Variants in TRIM35 observed in about 807,000 individuals in gnomAD.
The protein encoded by TRIM35 is tripartite motif containing 35.
In TRIM35, 37 loss-of-function variants were observed where a neutral mutation model predicts 49.1. The ratio of observed to expected loss-of-function variants is 0.75; its 90% CI spans 0.58 to 0.99. The LOEUF (loss-of-function observed/expected upper bound fraction) is 0.99. Ranked by LOEUF, TRIM35 falls within the 50% of genes least tolerant of loss-of-function variation. TRIM35 has a pLI of 0.00. For missense variants in TRIM35, 648 were observed against 702.7 expected, an observed-to-expected ratio of 0.92 and a Z score of 0.88; for synonymous variants, 302 against 289.3, an observed-to-expected ratio of 1.04 and a Z score of -0.45.
chr8:27,296,452 C>A (rs889456904), intron 2 of TRIM35, among the ~76,000 whole-genome samples: 6 of 152,202 alleles, frequency 3.9e-5, no homozygotes, highest in African/African-American at 1.4e-4. Flanking sequence ...AACACCAGAA[C>A]TTTCACTTTC....
At position 27,311,047 on chromosome 8, in the gene TRIM35, G is replaced by T. The variant is rs895131983; in HGVS notation, c.189C>A (p.Arg63=). The T allele has an allele frequency of 6.3e-7, 1 of 1,598,776 alleles. No individual in the cohort carries two copies. Among genetic ancestry groups the T allele is most frequent in the Non-Finnish European group, 8.5e-7 (1 of 1,173,502 alleles). The part of the protein sequence containing the change: ...VSPTCPVCKD[R]ASPADLRTNH... ...TGGTGCGCAGGTCGGCGGGTGACGC[G>T]CGGTCTTTGCACACTGGGCAGGTGG... Residue 63 remains arginine, a synonymous_variant, in exon 1 of 6, where the codon CGC becomes CGA. Transcript: ENST00000305364.
intron 3 of TRIM35, among the ~76,000 whole-genome samples, chr8:27,292,577 A>C (rs1271348137): frequency 6.6e-6 from 1 of 152,262 alleles, no homozygotes; most frequent in Non-Finnish European, 1.5e-5. Flanking sequence ...CATGCATTTG[A>C]AATGTCTACA....
In TRIM35 at chr8:27,285,964, C is replaced by T; in HGVS notation, c.*1586G>A. 1 of 381,526 alleles carries T rather than the reference C, an allele frequency of 2.6e-6. No homozygotes were observed. Among genetic ancestry groups the T allele is most frequent in the Non-Finnish European group, 5.2e-6 (1 of 190,882 alleles). 23.6% of individuals were successfully genotyped at this position (381,526 alleles called of 1,614,324 possible). The stretch of plus-strand genomic sequence containing the variant: ...CACACACTGACATCGCCTACCTGGG[C>T]CCTCCTTGTGGCCTTAAGTTTTATC... On this transcript the variant is annotated 3_prime_UTR_variant, in exon 6 of 6. Transcript: ENST00000305364.
rs1802289066 is a variant in TRIM35, at chr8:27,285,328, T to C, written c.*2222A>G. 6.6e-6 allele frequency: 1 copy of C among 152,186 alleles called. No homozygotes were observed. The highest frequency in any genetic ancestry group is 2.4e-5 in the African/African-American group (1 of 41,432). The allele number at this position is 152,186 out of a possible 1,614,324, so 9.4% of individuals were successfully genotyped here. A position where few individuals can be genotyped will look rare whatever the true frequency, so the allele number is the denominator to read the frequency against. ...AGTCCCTCAAGGGTTAAATAGAGTT[T>C]CATATGATCCAGCAAATCTGCTCCC... On this transcript the variant is annotated 3_prime_UTR_variant, in exon 6 of 6. Transcript: ENST00000305364.
intron 1 of TRIM35, among the ~76,000 whole-genome samples, chr8:27,303,071 CTAGA>C (rs1292174157): frequency 2.0e-5 from 3 of 152,142 alleles, no homozygotes; most frequent in Admixed American, 1.3e-4. Context: ...AGTTTTTTTG[CTAGA>C]TATACTTAAT....
chr8:27,309,417 C>T (rs1215646867), intron 1 of TRIM35, among the ~76,000 whole-genome samples: 1 of 152,194 alleles, frequency 6.6e-6, no homozygotes, highest in Non-Finnish European at 1.5e-5. Flanking sequence ...TTGAGACATG[C>T]GTACTGACAG....
rs150850320 is a variant in TRIM35, at chr8:27,298,496, G to A, written c.499C>T (p.Arg167Cys). The A allele has an allele frequency of 2.4e-4, 389 of 1,614,228 alleles. No homozygotes were observed. In the African/African-American group the frequency reaches 4.6e-3, roughly 19 times the overall value. ...EKAKAFWAMR[R>C]SYEAIAKHNQ... ...TGCTTGGCGATGGCCTCATAGGAGC[G>A]CCGCATGGCCCAGAAGGCCTTGGCC... Residue 167 changes from arginine to cysteine, a missense_variant, in exon 2 of 6, where the codon CGC (arginine) becomes TGC (cysteine). Arg to Cys is a radical substitution (Grantham distance 180, BLOSUM62 -3). Coordinates refer to ENST00000305364, the MANE Select transcript of TRIM35 (RefSeq NM_171982.5).
Position 27,304,621 on chromosome 8 carries a change from A to T in TRIM35, c.436-6062T>A, listed in dbSNP as rs185201351. Reference sequence around the variant, plus strand: ...ATAGTGGTGCTCGGTACACTTCTGCAGAAGGAATGCTTGCTCTGCAAGGTG... The same window carrying T: ...ATAGTGGTGCTCGGTACACTTCTGCTGAAGGAATGCTTGCTCTGCAAGGTG... On this transcript the variant is annotated intron_variant, in intron 1 of 5. Coordinates refer to ENST00000305364, the MANE Select transcript of TRIM35 (RefSeq NM_171982.5). 4.9e-4 allele frequency: 168 copies of T among 344,644 alleles called. 1 individual carries two copies. The highest frequency in any genetic ancestry group is 1.3e-3 in the Admixed American group (30 of 22,912). 21.3% of individuals were successfully genotyped at this position (344,644 alleles called of 1,614,324 possible). A position where few individuals can be genotyped will look rare whatever the true frequency, so the allele number is the denominator to read the frequency against.
At chr8:27,293,887 T>C (rs1385679286) in intron 3 of TRIM35, among the ~76,000 whole-genome samples, 193 bp downstream of exon 3, 1 of 151,760 alleles carries the variant, frequency 6.6e-6, no homozygotes, top group East Asian at 1.9e-4. Flanking sequence ...AATAACAGGG[T>C]TTCAAGGAAC....
chr8:27,296,492 A>G (rs1476505089), intron 2 of TRIM35, among the ~76,000 whole-genome samples: 1 of 152,216 alleles, frequency 6.6e-6, no homozygotes, highest in African/African-American at 2.4e-5. Flanking sequence ...AATTTAATAG[A>G]AAAAGTACTA....
At chr8:27,299,885 A>C (rs748793306) in intron 1 of TRIM35, among the ~76,000 whole-genome samples, 3 of 152,212 alleles carry the variant, frequency 2.0e-5, no homozygotes, top group Non-Finnish European at 4.4e-5. Context: ...AAGTGGCCCC[A>C]GTGACCCTCA....
In TRIM35 at chr8:27,288,273, G is replaced by A; in HGVS notation, c.905-146C>T. 7.8e-6 allele frequency: 6 copies of A among 773,004 alleles called. No homozygotes were observed. In the South Asian group the frequency reaches 1.1e-4, roughly 14 times the overall value. The allele number at this position is 773,004 out of a possible 1,614,324, so 47.9% of individuals were successfully genotyped here. ...GTGGCCCAGGGCTGGAGTGGTGGCA[G>A]GGGTTGGGCTGTATCCCCCAGAAGA... is the stretch of plus-strand genomic sequence containing the variant. On this transcript the variant is annotated intron_variant, in intron 5 of 5. Transcript: ENST00000305364.
intron 1 of TRIM35, among the ~76,000 whole-genome samples, chr8:27,308,002 G>A (rs1802822178): frequency 6.6e-6 from 1 of 152,164 alleles, no homozygotes; most frequent in Admixed American, 6.5e-5. Context: ...CCTTATGAGA[G>A]GGAGGTAGTA....
chr8:27,307,525 G>A (rs1802812044), intron 1 of TRIM35, among the ~76,000 whole-genome samples: 1 of 152,152 alleles, frequency 6.6e-6, no homozygotes, highest in African/African-American at 2.4e-5. Flanking sequence ...TTAGTGAGAT[G>A]ATACAACCAT....
chr8:27,311,222 G>C lies in TRIM35; in HGVS notation c.14C>G (p.Pro5Arg), dbSNP rs994849862. The part of the protein sequence containing the change: MERS[P>R]DVSPGPSRSF... ...GCGGGAAGGCCCGGGGGACACGTCG[G>C]GACTCCGCTCCATGGCACGAGCAGC... is the stretch of plus-strand genomic sequence containing the variant. The change falls in exon 1 of 6, where the codon CCC becomes CGC. Residue 5 changes from proline (P) to arginine (R), a missense_variant. Coordinates refer to ENST00000305364, the MANE Select transcript of TRIM35 (RefSeq NM_171982.5). 1 of 1,561,256 alleles carries C rather than the reference G, an allele frequency of 6.4e-7. No homozygotes were observed. Among genetic ancestry groups the C allele is most frequent in the Non-Finnish European group, 8.7e-7 (1 of 1,150,240 alleles).
In TRIM35 at chr8:27,304,970, C is replaced by T. The variant is rs111609704; in HGVS notation, c.435+5831G>A. On this transcript the variant is annotated intron_variant, in intron 1 of 5. Coordinates refer to ENST00000305364, the MANE Select transcript of TRIM35 (RefSeq NM_171982.5). ...GCAGCCAAGAGTTCTGGCACCTGGC[C>T]GACCAGGTTCAAATCCCAGCACCTC... The T allele has an allele frequency of 2.1e-3, 783 of 365,912 alleles. 4 individuals are homozygous for T. Among genetic ancestry groups the T allele is most frequent in the African/African-American group, 0.014 (650 of 46,932 alleles). The allele number at this position is 365,912 out of a possible 1,614,324, so 22.7% of individuals were successfully genotyped here.
chr8:27,302,013 C>T (rs1802691226), intron 1 of TRIM35, among the ~76,000 whole-genome samples: 1 of 152,206 alleles, frequency 6.6e-6, no homozygotes, highest in African/African-American at 2.4e-5. Flanking sequence ...CCATCTGTTT[C>T]TCTGGCCCAT....
At chr8:27,295,573 T>C (rs536049514) in intron 2 of TRIM35, among the ~76,000 whole-genome samples, 1 of 152,306 alleles carries the variant, frequency 6.6e-6, no homozygotes, top group African/African-American at 2.4e-5. Flanking sequence ...GACACTCACA[T>C]TAGCCTACAC....
chr8:27,302,882 T>G (rs1686700855), intron 1 of TRIM35, among the ~76,000 whole-genome samples: 1 of 152,178 alleles, frequency 6.6e-6, no homozygotes, highest in African/African-American at 2.4e-5. Context: ...CACATGCCAG[T>G]TTTGCTTCCC....
Sources: gnomAD v4.1 joint callset for allele counts (sites outside exome capture counted in the v4.1 genomes callset) on GRCh38, gnomAD v4.1.1 for gene constraint, MANE v1.5 for transcripts, NCBI Gene and HGNC (gene_info 2026-07-23, HGNC 2026-07-21) for gene names.